CS: variants seen among roughly 807,000 people sequenced by gnomAD.
CS encodes the protein citrate synthase, mitochondrial.
Under a neutral mutation model 61.4 loss-of-function variants are expected in CS, and 13 were observed. The observed-to-expected ratio is 0.21, with a 90% confidence interval of 0.14 to 0.34. The LOEUF (loss-of-function observed/expected upper bound fraction) is 0.34. CS is among the 10% of genes least tolerant of loss of function. The pLI, the probability that CS is intolerant of heterozygous loss-of-function variation, is 1.00. For missense variants in CS, 278 were observed against 573.4 expected (o/e 0.48, Z 5.26); for synonymous variants, 159 against 215.2 (o/e 0.74, Z 2.29).
intron 3 of CS, among the ~76,000 whole-genome samples, chr12:56,284,319 CAAAAAAAAAAA>C (rs57352870): frequency 5.5e-5 from 4 of 73,362 alleles, no homozygotes; most frequent in African/African-American, 9.9e-5. Context: ...AACTCCATCT[CAAAAAAAAAAA>C]AAAAAAAGAA....
At chr12:56,286,150 T>A in intron 2 of CS, 127 bp from the exon 3 acceptor site, 1 of 691,432 alleles carries the variant, frequency 1.4e-6, no homozygotes. Flanking sequence ...GGTCAACTAC[T>A]CTGCACAAAT....
intron 3 of CS, among the ~76,000 whole-genome samples, chr12:56,285,552 T>C (rs1872915883): frequency 6.6e-6 from 1 of 152,238 alleles, no homozygotes; most frequent in Admixed American, 6.5e-5. Flanking sequence ...CCTCCCAAAA[T>C]GTTGGGATAA....
At chr12:56,282,829 G>A (rs762942904) in intron 5 of CS, 31 bp downstream of exon 5, 28 of 1,611,942 alleles carry the variant, frequency 1.7e-5, no homozygotes, top group Non-Finnish European at 2.1e-5. Flanking sequence ...GAAGGGGAAT[G>A]AGAAGAGCTA....
At chr12:56,283,075 A>G in intron 4 of CS, 84 bp from the exon 5 acceptor site, 1 of 1,448,652 alleles carries the variant, frequency 6.9e-7, no homozygotes, top group East Asian at 2.3e-5. Context: ...ACCTTACAAC[A>G]AGTTAGAGTA....
At chr12:56,279,292 T>C (rs1358210580) in intron 6 of CS, among the ~76,000 whole-genome samples, 1 of 152,168 alleles carries the variant, frequency 6.6e-6, no homozygotes. Flanking sequence ...ATAGAAGAAA[T>C]GTTCTGTGCA....
chr12:56,286,853 T>C (rs1012151706), intron 1 of CS, among the ~76,000 whole-genome samples: 13 of 152,260 alleles, frequency 8.5e-5, no homozygotes, highest in Middle Eastern at 6.8e-3. Flanking sequence ...TTTTCATCCA[T>C]AGCTTCACTA....
In CS at chr12:56,300,309, G is replaced by C. The variant is rs1873451680; in HGVS notation, c.-108C>G. 11 of 1,216,984 alleles carry C rather than the reference G, an allele frequency of 9.0e-6. No homozygotes were observed. Among genetic ancestry groups the C allele is most frequent in the Non-Finnish European group, 1.0e-5 (9 of 871,762 alleles). The allele number at this position is 1,216,984 out of a possible 1,614,324, so 75.4% of individuals were successfully genotyped here. On this transcript the variant is annotated 5_prime_UTR_variant, in exon 1 of 11. Transcript: ENST00000351328. ...GAGGCCGCGCCGACGGGTTGACAAGGTTGAAAGGAGGCGGCTGAAGGAAAG... is the reference window on the plus strand; with the variant it reads ...GAGGCCGCGCCGACGGGTTGACAAGCTTGAAAGGAGGCGGCTGAAGGAAAG...
chr12:56,298,061 C>A (rs776482804), intron 1 of CS, among the ~76,000 whole-genome samples: 4 of 151,672 alleles, frequency 2.6e-5, no homozygotes, highest in Non-Finnish European at 5.9e-5. Context: ...TGCAATGGAG[C>A]GATCTGGGCT....
intron 1 of CS, chr12:56,291,651 T>G (rs967336634): frequency 4.6e-5 from 7 of 152,308 alleles, no homozygotes; most frequent in African/African-American, 1.7e-4. Flanking sequence ...TCCCTGAACT[T>G]CTACCTCCCA....
rs578252999 is a variant in CS, at chr12:56,283,889, A to AG, written c.202-33_202-32insC. The AG allele has an allele frequency of 1.9e-5, 29 of 1,540,076 alleles. No homozygotes were observed. The East Asian group carries it at 6.5e-4, about 35-fold the overall frequency. On this transcript the variant is annotated intron_variant, in intron 3 of 10. Transcript: ENST00000351328. ...AGGATGAAGAAAGAAGGAAAAAAAA[A>AG]AGAGGCTGTGGCCAGTAATCAGAAT...
intron 1 of CS, among the ~76,000 whole-genome samples, chr12:56,289,474 G>T (rs1565622876): frequency 6.6e-6 from 1 of 151,160 alleles, no homozygotes; most frequent in Non-Finnish European, 1.5e-5. Flanking sequence ...ACGGAGTCCC[G>T]CTATGTTACC....
At chr12:56,291,143 C>T (rs1022327247) in intron 1 of CS, 2 of 699,246 alleles carry the variant, frequency 2.9e-6, no homozygotes, top group Non-Finnish European at 4.1e-6. Context: ...TTCATAAAAG[C>T]ATCTAGAACA....
Position 56,282,847 on chromosome 12 carries a change from C to T in CS, c.399+13G>A. The T allele has an allele frequency of 6.2e-7, 1 of 1,613,914 alleles. No homozygotes were observed. The highest frequency in any genetic ancestry group is 1.3e-5 in the African/African-American group (1 of 75,042). On this transcript the variant is annotated intron_variant, in intron 5 of 10. Transcript: ENST00000351328. ...GGGGAATGAGAAGAGCTAATAATAT[C>T]CTTCTGCTTTACCTGTTCCTCTGTT...
rs188186192 is a variant in CS, at chr12:56,282,155, C to T, written c.588+265G>A. Among the ~76,000 whole-genome samples, 461 of 152,308 alleles carry T rather than the reference C, an allele frequency of 3.0e-3. 2 individuals are homozygous for T. Among genetic ancestry groups the T allele is most frequent in the Non-Finnish European group, 3.7e-3 (255 of 68,034 alleles). On this transcript the variant is annotated intron_variant, in intron 6 of 10. Transcript: ENST00000351328. ...TATAGGCATGAGCCACTGTGCCCGG[C>T]CGACTATGGAATTTTAATAATTTCT...
In CS at chr12:56,283,043, C is replaced by T. The variant is rs1368057430; in HGVS notation, c.268-52G>A. The T allele has an allele frequency of 1.9e-6, 3 of 1,600,578 alleles. 1 individual carries two copies. In the African/African-American group the frequency reaches 4.0e-5, roughly 21 times the overall value. ...ACTCAAGTTTATAGCCTAGAAGTCA[C>T]ACGACTGGTCTTACTCATCAGACCT... On this transcript the variant is annotated intron_variant, in intron 4 of 10. Transcript: ENST00000351328.
chr12:56,289,211 T>C (rs1873037521), intron 1 of CS, among the ~76,000 whole-genome samples: 1 of 152,180 alleles, frequency 6.6e-6, no homozygotes, highest in African/African-American at 2.4e-5. Context: ...AACCCAGCAC[T>C]GAAGATGTAA....
chr12:56,286,309 A>T (rs1872937723), intron 2 of CS: 1 of 529,180 alleles, frequency 1.9e-6, no homozygotes, highest in Admixed American at 3.5e-5. Context: ...CATATACTTA[A>T]AAATGATTAA....
Position 56,272,460 on chromosome 12 carries a change from T to TGAGTA in CS, c.*623_*624insTACTC, listed in dbSNP as rs1872540275. ...GAAACAGAACACTCCCAGACCTTAA[T>TGAGTA]TTTAATTGGATAGTTTTAAAAAAAA... On this transcript the variant is annotated 3_prime_UTR_variant, in exon 11 of 11. Coordinates refer to ENST00000351328, the MANE Select transcript of CS (RefSeq NM_004077.3). 1 of 152,278 alleles carries TGAGTA rather than the reference T, an allele frequency of 6.6e-6. No homozygotes were observed. Among genetic ancestry groups the TGAGTA allele is most frequent in the Non-Finnish European group, 1.5e-5 (1 of 68,266 alleles). The allele number at this position is 152,278 out of a possible 1,614,324, so 9.4% of individuals were successfully genotyped here. A position where few individuals can be genotyped will look rare whatever the true frequency, so the allele number is the denominator to read the frequency against.
chr12:56,275,933 C>T lies in CS; in HGVS notation c.788+63G>A, dbSNP rs111314277. On this transcript the variant is annotated intron_variant, in intron 7 of 10. Transcript: ENST00000351328. ...CTCAGAAGATGAGAACATAAAGGAG[C>T]TTTTAAAAAAATTTCCCACCAATTG... is the stretch of plus-strand genomic sequence containing the variant. 9.6e-3 allele frequency: 13,712 copies of T among 1,435,658 alleles called. 82 individuals are homozygous for T. Among genetic ancestry groups the T allele is most frequent in the Non-Finnish European group, 0.012 (11,973 of 1,020,770 alleles). The allele number at this position is 1,435,658 out of a possible 1,614,324, so 88.9% of individuals were successfully genotyped here.
Sources: gnomAD v4.1 joint callset for allele counts (sites outside exome capture counted in the v4.1 genomes callset) on GRCh38, gnomAD v4.1.1 for gene constraint, MANE v1.5 for transcripts, NCBI Gene and HGNC (gene_info 2026-07-23, HGNC 2026-07-21) for gene names.